The following PLCL1 variants were observed in gnomAD, a reference collection of about 807,000 sequenced individuals.
The protein encoded by PLCL1 is inactive phospholipase C-like protein 1.
A neutral mutation model predicts 84.4 loss-of-function variants in PLCL1; 41 were observed. That is an observed-to-expected ratio of 0.49 (90% CI 0.38 to 0.63). PLCL1 has a LOEUF of 0.63. Ranked by LOEUF, PLCL1 falls within the 30% of genes least tolerant of loss-of-function variation. PLCL1 has a pLI of 0.00. For missense variants in PLCL1, 1,206 were observed against 1,367.8 expected (o/e 0.88, Z 1.87); for synonymous variants, 490 against 488.3 (o/e 1.00, Z -0.05).
intron 1 of PLCL1, among the ~76,000 whole-genome samples, chr2:198,000,441 A>G (rs1214915560): frequency 6.6e-6 from 1 of 152,196 alleles, no homozygotes; most frequent in Non-Finnish European, 1.5e-5. Context: ...ATGAGACTCA[A>G]TTTAACACTG....
At chr2:197,943,745 C>T (rs555413082) in intron 1 of PLCL1, among the ~76,000 whole-genome samples, 4 of 151,308 alleles carry the variant, frequency 2.6e-5, no homozygotes, top group Non-Finnish European at 5.9e-5. Flanking sequence ...TCAGTTTTAC[C>T]TAGAGTTAGT....
intron 1 of PLCL1, among the ~76,000 whole-genome samples, chr2:197,883,001 A>G (rs180825950): frequency 1.7e-3 from 255 of 152,260 alleles, no homozygotes; most frequent in Non-Finnish European, 2.1e-3. Context: ...GGTGAAATCA[A>G]TCTGTGGAAT....
intron 1 of PLCL1, among the ~76,000 whole-genome samples, chr2:197,881,789 TC>T (rs1377798999): frequency 2.0e-5 from 3 of 152,080 alleles, no homozygotes; most frequent in African/African-American, 4.8e-5. Flanking sequence ...AGCAGACAGA[TC>T]AGTAATATGA....
chr2:197,894,687 C>T (rs963148790), intron 1 of PLCL1, among the ~76,000 whole-genome samples: 1 of 151,948 alleles, frequency 6.6e-6, no homozygotes, highest in Non-Finnish European at 1.5e-5. Context: ...TTGCCTAGAG[C>T]TGAGTGTTTT....
intron 1 of PLCL1, among the ~76,000 whole-genome samples, chr2:197,890,022 G>A (rs1267765584): frequency 2.0e-5 from 3 of 152,116 alleles, no homozygotes; most frequent in Non-Finnish European, 4.4e-5. Context: ...GCTTGCATAC[G>A]CAGCTTTGGT....
intron 5 of PLCL1, among the ~76,000 whole-genome samples, chr2:198,139,867 CA>C (rs1323144849): frequency 7.9e-5 from 12 of 152,106 alleles, no homozygotes; most frequent in Non-Finnish European, 1.5e-4. Context: ...TCTCAGTTCA[CA>C]TATACATAGC....
chr2:198,092,079 C>T (rs6747060), intron 3 of PLCL1, among the ~76,000 whole-genome samples: 2,335 of 151,948 alleles, frequency 0.015, 50 homozygotes, highest in African/African-American at 0.054. Context: ...TTCTCCCAAC[C>T]TCACCTGCCT....
chr2:198,046,480 A>G (rs962561297), intron 1 of PLCL1, among the ~76,000 whole-genome samples: 3 of 152,234 alleles, frequency 2.0e-5, no homozygotes, highest in South Asian at 2.1e-4. Context: ...CAGATAAGAC[A>G]TAAATAAGTA....
chr2:197,817,255 C>T (rs1690709271), intron 1 of PLCL1, among the ~76,000 whole-genome samples: 1 of 152,074 alleles, frequency 6.6e-6, no homozygotes, highest in Admixed American at 6.6e-5. Context: ...AAAGGGTTCT[C>T]CCAAGCATTT....
At chr2:197,917,940 CCCACCG>C (rs1305125993) in intron 1 of PLCL1, among the ~76,000 whole-genome samples, 1 of 152,038 alleles carries the variant, frequency 6.6e-6, no homozygotes, top group East Asian at 1.9e-4. Context: ...TGGAACCTGC[CCCACCG>C]CCACCCCAAA....
chr2:197,842,884 A>G (rs1033439301), intron 1 of PLCL1, among the ~76,000 whole-genome samples: 1 of 152,194 alleles, frequency 6.6e-6, no homozygotes, highest in African/African-American at 2.4e-5. Context: ...GCACAGAGTG[A>G]TATTTAACAC....
chr2:197,867,002 T>C (rs1489778411), intron 1 of PLCL1, among the ~76,000 whole-genome samples: 1 of 152,170 alleles, frequency 6.6e-6, no homozygotes, highest in Admixed American at 6.6e-5. Context: ...ACTAATGGAT[T>C]GAAAGAGTTA....
At chr2:197,993,476 G>A (rs1160611473) in intron 1 of PLCL1, among the ~76,000 whole-genome samples, 1 of 152,160 alleles carries the variant, frequency 6.6e-6, no homozygotes, top group Non-Finnish European at 1.5e-5. Flanking sequence ...TCCAGTGGAG[G>A]AACTGAGGAG....
chr2:198,083,635 T>C (rs1175866296), intron 1 of PLCL1, 123 bp from the exon 2 acceptor site: 2 of 618,666 alleles, frequency 3.2e-6, no homozygotes, highest in East Asian at 5.8e-5. Context: ...ATGTAAACTT[T>C]AGGGTAGCCT....
intron 1 of PLCL1, among the ~76,000 whole-genome samples, chr2:198,000,573 G>A (rs1690576289): frequency 6.6e-6 from 1 of 152,098 alleles, no homozygotes; most frequent in African/African-American, 2.4e-5. Flanking sequence ...GGTCTTCTGT[G>A]TGGTCATGTG....
chr2:198,098,312 G>A (rs1693250728), intron 3 of PLCL1, among the ~76,000 whole-genome samples: 1 of 152,132 alleles, frequency 6.6e-6, no homozygotes, highest in South Asian at 2.1e-4. Context: ...TTCTTCCTAT[G>A]TTTCATATGA....
chr2:198,038,594 A>C (rs1294810396), intron 1 of PLCL1, among the ~76,000 whole-genome samples: 1 of 152,112 alleles, frequency 6.6e-6, no homozygotes, highest in East Asian at 1.9e-4. Flanking sequence ...TTCAAGGTTA[A>C]GGTTATGTTG....
intron 1 of PLCL1, among the ~76,000 whole-genome samples, chr2:197,997,774 C>G (rs746501767): frequency 6.6e-6 from 1 of 152,114 alleles, no homozygotes; most frequent in Non-Finnish European, 1.5e-5. Context: ...AAAGAGGAAA[C>G]AGCAGAGAGA....
At chr2:197,903,035 A>G (rs1331783556) in intron 1 of PLCL1, among the ~76,000 whole-genome samples, 3 of 152,342 alleles carry the variant, frequency 2.0e-5, no homozygotes, top group South Asian at 2.1e-4. Context: ...GAAAGTACCA[A>G]AAATAAATTT....
Sources: allele counts gnomAD v4.1 joint callset (sites outside exome capture counted in the v4.1 genomes callset), GRCh38; gene constraint gnomAD v4.1.1; transcripts MANE v1.5; gene names NCBI Gene and HGNC (gene_info 2026-07-23, HGNC 2026-07-21).